The following DPP6 variants were observed in gnomAD, a reference collection of about 807,000 sequenced individuals.
DPP6 encodes A-type potassium channel modulatory protein DPP6.
DPP6 carries 69 observed loss-of-function variants against 122.6 expected under a neutral mutation model. The observed-to-expected ratio is 0.56, with a 90% CI of 0.46 to 0.69. DPP6 has a LOEUF of 0.69. Among genes scored for constraint, DPP6 ranks in the 30% least tolerant of loss-of-function variants. The probability of loss-of-function intolerance (pLI) is 0.00; values close to 1 mark genes in which losing one functional copy is unlikely to be tolerated. For missense variants in DPP6, 928 were observed against 1,116.9 expected (o/e 0.83, Z 2.41); for synonymous variants, 418 against 433.1 (o/e 0.97, Z 0.43).
intron 1 of DPP6, among the ~76,000 whole-genome samples, chr7:153,928,259 T>G (rs953915393): frequency 6.6e-6 from 1 of 150,968 alleles, no homozygotes; most frequent in Non-Finnish European, 1.5e-5. Context: ...CTGCCCAGGC[T>G]GGAGTTCAGT....
chr7:154,455,292 G>T (rs1246818868), intron 2 of DPP6, among the ~76,000 whole-genome samples: 1 of 152,162 alleles, frequency 6.6e-6, no homozygotes, highest in Non-Finnish European at 1.5e-5. Context: ...ACTGGAGGGG[G>T]TTGGCAAAGC....
At chr7:154,696,195 G>A (rs1360852346) in intron 7 of DPP6, among the ~76,000 whole-genome samples, 1 of 152,244 alleles carries the variant, frequency 6.6e-6, no homozygotes, top group Non-Finnish European at 1.5e-5. Flanking sequence ...CTTCCGTTCT[G>A]TGAGAGCTCT....
At chr7:154,651,257 C>T (rs534237175) in intron 6 of DPP6, among the ~76,000 whole-genome samples, 1 of 152,232 alleles carries the variant, frequency 6.6e-6, no homozygotes, top group African/African-American at 2.4e-5. Context: ...AAGGAATTTC[C>T]TATATAGTTA....
chr7:154,309,874 TG>T (rs776437462), intron 1 of DPP6, among the ~76,000 whole-genome samples: 2 of 152,154 alleles, frequency 1.3e-5, no homozygotes, highest in Non-Finnish European at 2.9e-5. Flanking sequence ...GGACATTGGA[TG>T]TAGCAGCCAT....
the DPP6 span, among the ~76,000 whole-genome samples, chr7:153,760,030 G>T: frequency 2.1e-4 from 32 of 151,268 alleles, no homozygotes; most frequent in Non-Finnish European, 4.6e-4. Flanking sequence ...CTCTGTCAGG[G>T]GTTTCAAGTG....
At chr7:154,420,567 C>A (rs286825) in intron 1 of DPP6, among the ~76,000 whole-genome samples, 132,290 of 152,112 alleles carry the variant, frequency 0.87, 58,855 homozygotes, top group East Asian at 1. Flanking sequence ...GTGGGTAGGG[C>A]ATGAGGAAAT....
At chr7:153,997,549 C>CT (rs1797499005) in intron 1 of DPP6, among the ~76,000 whole-genome samples, 2 of 151,260 alleles carry the variant, frequency 1.3e-5, no homozygotes, top group African/African-American at 4.9e-5. Context: ...GCTTGCTTCC[C>CT]TATAATAGAG....
At chr7:153,828,169 G>T in the DPP6 span, among the ~76,000 whole-genome samples, 1 of 152,114 alleles carries the variant, frequency 6.6e-6, no homozygotes, top group African/African-American at 2.4e-5. Flanking sequence ...GTCATGAGAG[G>T]CCCACTTCCT....
chr7:154,407,785 C>G (rs1365494063), intron 1 of DPP6, among the ~76,000 whole-genome samples: 1 of 152,150 alleles, frequency 6.6e-6, no homozygotes, highest in Non-Finnish European at 1.5e-5. Context: ...TCAGCACTTC[C>G]TAATATACCG....
chr7:153,887,766 C>CG (rs761086513), intron 1 of DPP6: 19 of 1,607,780 alleles, frequency 1.2e-5, no homozygotes, highest in Non-Finnish European at 1.4e-5. Flanking sequence ...CGCGCTGGGT[C>CG]GGGGGGACCC....
intron 1 of DPP6, among the ~76,000 whole-genome samples, chr7:153,967,876 G>A: frequency 6.6e-6 from 1 of 151,890 alleles, no homozygotes; most frequent in Non-Finnish European, 1.5e-5. Context: ...AGTCCTATCT[G>A]TAAAGGGTAT....
intron 1 of DPP6, among the ~76,000 whole-genome samples, chr7:154,203,110 G>A (rs78921407): frequency 0.023 from 3,431 of 152,190 alleles, 131 homozygotes; most frequent in African/African-American, 0.077. Flanking sequence ...CTTGAAAATG[G>A]GGATAATAAA....
At chr7:153,829,523 C>T in the DPP6 span, among the ~76,000 whole-genome samples, 2 of 152,158 alleles carry the variant, frequency 1.3e-5, no homozygotes, top group East Asian at 3.9e-4. Context: ...CTGTCCTCCT[C>T]TTTTTTGTCT....
At chr7:154,703,834 G>T (rs1182258260) in intron 7 of DPP6, among the ~76,000 whole-genome samples, 2 of 152,036 alleles carry the variant, frequency 1.3e-5, no homozygotes, top group Non-Finnish European at 2.9e-5. Context: ...CTACTCAGGG[G>T]GCTGAGGCAG....
chr7:154,875,788 C>T lies in DPP6; in HGVS notation c.1884-118C>T, dbSNP rs934417254. 4.3e-6 allele frequency: 6 copies of T among 1,396,774 alleles called. No homozygotes were observed. The East Asian group carries it at 1.0e-4, about 23-fold the overall frequency. 86.5% of individuals were successfully genotyped at this position (1,396,774 alleles called of 1,614,324 possible). On this transcript the variant is annotated intron_variant, in intron 19 of 25. Transcript: ENST00000377770. The surrounding 1 kb of genome is among the most constrained non-coding windows in gnomAD (Gnocchi z 4.5). ...ACAGAATCTGGGGTATGGAGTTGAG[C>T]GTGTGGCAGCCGGGTCACGGGTAAA...
At chr7:154,695,193 A>G (rs113471476) in intron 7 of DPP6, among the ~76,000 whole-genome samples, 2,951 of 152,288 alleles carry the variant, frequency 0.019, 47 homozygotes, top group South Asian at 0.05. Flanking sequence ...GTGAGGGTGC[A>G]TGACGCCCAA....
the DPP6 span, among the ~76,000 whole-genome samples, chr7:153,862,971 A>G: frequency 6.6e-6 from 1 of 152,192 alleles, no homozygotes; most frequent in African/African-American, 2.4e-5. Context: ...TTATGAGCAG[A>G]CAGTTTACAG....
chr7:154,141,123 C>T (rs959368480), intron 1 of DPP6, among the ~76,000 whole-genome samples: 4 of 152,140 alleles, frequency 2.6e-5, no homozygotes, highest in South Asian at 2.1e-4. Flanking sequence ...TAAGCTCTCA[C>T]GTTTGGAGAA....
At chr7:154,175,438 A>G (rs1014623047) in intron 1 of DPP6, among the ~76,000 whole-genome samples, 5 of 151,984 alleles carry the variant, frequency 3.3e-5, no homozygotes, top group Non-Finnish European at 1.5e-5. Flanking sequence ...TGGCACCAGC[A>G]TGAGCTCGGA....
Sources: allele counts gnomAD v4.1 joint callset (sites outside exome capture counted in the v4.1 genomes callset), GRCh38; gene constraint gnomAD v4.1.1; non-coding constraint Gnocchi (gnomAD v3.1); transcripts MANE v1.5; gene names NCBI Gene and HGNC (gene_info 2026-07-23, HGNC 2026-07-21).